Variants in APBB2 observed in about 807,000 individuals in gnomAD.
The protein encoded by APBB2 is Fe65-like 1.
In APBB2, 38 loss-of-function variants were observed where a neutral mutation model predicts 82.5. That is an observed-to-expected ratio of 0.46 (90% CI 0.36 to 0.60). The LOEUF (loss-of-function observed/expected upper bound fraction) is 0.60, where lower values mean the gene tolerates loss of function less well. Ranked by LOEUF, APBB2 falls within the 20% of genes least tolerant of loss-of-function variation. APBB2 has a pLI of 0.00. For missense variants in APBB2, 772 were observed against 972.3 expected (o/e 0.79, Z 2.74); for synonymous variants, 341 against 368.2 (o/e 0.93, Z 0.85).
rs1439426333 is a variant in APBB2 at position 40,833,468 on chromosome 4, A to T, written c.1530-2891T>A. 2.0e-5 allele frequency among the ~76,000 whole-genome samples: 3 copies of T among 152,150 alleles called. No homozygotes were observed. The East Asian group carries it at 5.8e-4, about 29-fold the overall frequency. On this transcript the variant is annotated intron_variant, in intron 12 of 17. Transcript: ENST00000508593. The stretch of plus-strand genomic sequence containing the variant: ...CATCTACTCAGCCTAGCCCAGCTCA[A>T]CGGTCCGCCTGGTCCTCTGGCCCCA...
chr4:41,033,441 T>C, intron 4 of APBB2, 137 bp from the exon 5 acceptor site: 1 of 509,554 alleles, frequency 2.0e-6, no homozygotes. Flanking sequence ...TCCAAATTTT[T>C]GTTTGTTTAT....
intron 2 of APBB2, among the ~76,000 whole-genome samples, chr4:41,116,857 G>A (rs188936552): frequency 1.6e-4 from 24 of 152,028 alleles, no homozygotes; most frequent in East Asian, 3.9e-4. Flanking sequence ...TCTCTCTCTC[G>A]TCGTGTTGTC....
At chr4:41,069,654 T>C (rs1372583020) in intron 3 of APBB2, among the ~76,000 whole-genome samples, 5 of 152,210 alleles carry the variant, frequency 3.3e-5, no homozygotes, top group African/African-American at 1.2e-4. Context: ...CCTCGGGGCA[T>C]AGGATGTAGT....
chr4:41,082,005 C>T (rs1353452319), intron 3 of APBB2, among the ~76,000 whole-genome samples: 3 of 152,270 alleles, frequency 2.0e-5, no homozygotes, highest in Admixed American at 6.5e-5. Flanking sequence ...GACACAGTTA[C>T]TGGCAACAGG....
intron 2 of APBB2, among the ~76,000 whole-genome samples, chr4:41,111,664 G>A (rs1029915586): frequency 6.6e-6 from 1 of 151,888 alleles, no homozygotes; most frequent in Non-Finnish European, 1.5e-5. Flanking sequence ...ATATATACAT[G>A]CACAAAAAAA....
intron 6 of APBB2, among the ~76,000 whole-genome samples, chr4:40,983,148 TCA>T (rs1418682416): frequency 1.3e-5 from 2 of 152,214 alleles, no homozygotes; most frequent in Non-Finnish European, 2.9e-5. Flanking sequence ...ATTCGCCATT[TCA>T]CAGTCCAGGG....
intron 6 of APBB2, among the ~76,000 whole-genome samples, chr4:40,950,699 C>T (rs777692547): frequency 1.8e-4 from 27 of 151,942 alleles, no homozygotes; most frequent in Non-Finnish European, 2.6e-4. Context: ...ACAAATTAGC[C>T]GAGTGTGGTT....
chr4:40,951,955 G>C lies in APBB2; in HGVS notation c.836-6882C>G, dbSNP rs188949255. Reference sequence around the variant, plus strand: ...AATACTAGCACTTTGAGAGGCCAAGGGGGGGTGGATCACCTGAGGTCAGGA... The same window carrying C: ...AATACTAGCACTTTGAGAGGCCAAGCGGGGGTGGATCACCTGAGGTCAGGA... On this transcript the variant is annotated intron_variant, in intron 6 of 17. Transcript: ENST00000508593. 4.5e-3 allele frequency among the ~76,000 whole-genome samples: 691 copies of C among 152,186 alleles called. 18 individuals are homozygous for C. The highest frequency in any genetic ancestry group is 0.036 in the Admixed American group (544 of 15,282).
chr4:40,842,704 G>A (rs911506954), intron 12 of APBB2, among the ~76,000 whole-genome samples: 9 of 152,196 alleles, frequency 5.9e-5, no homozygotes, highest in Admixed American at 2.6e-4. Flanking sequence ...GGCAGAGGAC[G>A]TGTCTTCATT....
chr4:41,099,021 A>ATT (rs1031241129), intron 3 of APBB2, among the ~76,000 whole-genome samples: 1 of 150,308 alleles, frequency 6.7e-6, no homozygotes, highest in Non-Finnish European at 1.5e-5. Flanking sequence ...ACAAATTTCT[A>ATT]TTTTTTTTTT....
chr4:41,189,493 G>A (rs780207912), intron 1 of APBB2, among the ~76,000 whole-genome samples: 1 of 152,130 alleles, frequency 6.6e-6, no homozygotes, highest in Non-Finnish European at 1.5e-5. Context: ...AATGTAAAAG[G>A]TTAATGGGTA....
At chr4:40,997,120 C>T (rs1424838752) in intron 6 of APBB2, among the ~76,000 whole-genome samples, 1 of 152,150 alleles carries the variant, frequency 6.6e-6, no homozygotes, top group African/African-American at 2.4e-5. Flanking sequence ...CTCTTCCTTA[C>T]ACCTCCCTAA....
chr4:40,906,561 A>G (rs773093487), intron 10 of APBB2, among the ~76,000 whole-genome samples: 8 of 152,070 alleles, frequency 5.3e-5, no homozygotes, highest in Non-Finnish European at 8.8e-5. Flanking sequence ...CAGAGTCCCA[A>G]TGAGGAGGGA....
At position 41,149,775 on chromosome 4, in the gene APBB2, T is replaced by C. The variant is rs2661664; in HGVS notation, c.-416-6633A>G. ...AGTGGGCGGTAACTGAATCACTGAA[T>C]CATGGGGGCAAGTTTTTCCCATGCT... On this transcript the variant is annotated intron_variant, in intron 1 of 17. Transcript: ENST00000508593. Among the ~76,000 whole-genome samples the C allele has an allele frequency of 1.8e-3, 268 of 152,232 alleles. 1 individual carries two copies. The highest frequency in any genetic ancestry group is 6.2e-3 in the African/African-American group (257 of 41,534).
intron 12 of APBB2, among the ~76,000 whole-genome samples, chr4:40,884,755 C>T (rs567583226): frequency 6.6e-6 from 1 of 152,104 alleles, no homozygotes; most frequent in East Asian, 1.9e-4. Context: ...CAGAGCAAGA[C>T]CCTGTCTCTA....
chr4:41,012,612 C>T (rs1808704508), intron 6 of APBB2, among the ~76,000 whole-genome samples: 2 of 152,054 alleles, frequency 1.3e-5, no homozygotes, highest in Admixed American at 6.5e-5. Flanking sequence ...CTCCTCTTTT[C>T]CTTATCTTTA....
intron 12 of APBB2, among the ~76,000 whole-genome samples, chr4:40,870,567 G>A (rs1488289598): frequency 2.0e-5 from 3 of 152,166 alleles, no homozygotes; most frequent in Non-Finnish European, 4.4e-5. Flanking sequence ...AGACAGCTGG[G>A]TGAGGAAGAT....
At chr4:40,817,183 G>A (rs7681370) in intron 17 of APBB2, among the ~76,000 whole-genome samples, 9 of 152,046 alleles carry the variant, frequency 5.9e-5, no homozygotes, top group African/African-American at 1.9e-4. Context: ...TGAGGGAGGC[G>A]GATCACTTGA....
intron 1 of APBB2, among the ~76,000 whole-genome samples, chr4:41,171,814 A>G (rs1768342289): frequency 6.6e-6 from 1 of 151,670 alleles, no homozygotes; most frequent in East Asian, 1.9e-4. Flanking sequence ...CAAAAAAATT[A>G]GCTGGGCGTG....
Sources: gnomAD v4.1 joint callset for allele counts (sites outside exome capture counted in the v4.1 genomes callset) on GRCh38, gnomAD v4.1.1 for gene constraint, MANE v1.5 for transcripts, NCBI Gene and HGNC (gene_info 2026-07-23, HGNC 2026-07-21) for gene names.